Variants in SRRM3 observed in about 807,000 individuals in gnomAD.
SRRM3 encodes serine/arginine repetitive matrix 3.
In SRRM3, 27 loss-of-function variants were observed where a neutral mutation model predicts 66.2. The ratio of observed to expected loss-of-function variants is 0.41; its 90% CI spans 0.30 to 0.56. The LOEUF (loss-of-function observed/expected upper bound fraction) is 0.56, where lower values mean the gene tolerates loss of function less well. Ranked by LOEUF, SRRM3 falls within the 20% of genes least tolerant of loss-of-function variation. The pLI, the probability that SRRM3 is intolerant of heterozygous loss-of-function variation, is 0.32. For missense variants in SRRM3, 918 were observed against 991.9 expected (o/e 0.93, Z 1.00); for synonymous variants, 391 against 414.9 (o/e 0.94, Z 0.70).
At position 76,285,569 on chromosome 7, in the gene SRRM3, G is replaced by T. The variant is rs1802641418; in HGVS notation, c.1734-46G>T. The T allele has an allele frequency of 6.7e-7, 1 of 1,495,414 alleles. No homozygotes were observed. The highest frequency in any genetic ancestry group is 9.0e-7 in the Non-Finnish European group (1 of 1,105,004). The allele number at this position is 1,495,414 out of a possible 1,614,324, so 92.6% of individuals were successfully genotyped here. ...AAGCCCTGGCCGCTGCTGGGATGGG[G>T]CTCGGGGCCTGGGATGGCCTGTAAT... is the stretch of plus-strand genomic sequence containing the variant. On this transcript the variant is annotated intron_variant, in intron 14 of 14. Coordinates refer to ENST00000611745, the MANE Select transcript of SRRM3 (RefSeq NM_001110199.3). This position sits in a 1 kb window ranked among gnomAD's most constrained non-coding sequence, Gnocchi z 4.1.
chr7:76,255,212 C>T (rs1264693336), intron 3 of SRRM3, among the ~76,000 whole-genome samples: 7 of 126,072 alleles, frequency 5.6e-5, no homozygotes, highest in Admixed American at 4.0e-4. Flanking sequence ...TGCAGTGGTG[C>T]GATCTTGGCT....
intron 1 of SRRM3, among the ~76,000 whole-genome samples, chr7:76,229,717 C>G (rs191692548): frequency 5.0e-4 from 76 of 151,502 alleles, no homozygotes; most frequent in African/African-American, 1.7e-3. Flanking sequence ...TTTCACTATC[C>G]TGTTTCACTT....
intron 2 of SRRM3, among the ~76,000 whole-genome samples, chr7:76,247,241 G>A (rs1801464101): frequency 6.6e-6 from 1 of 152,068 alleles, no homozygotes. Flanking sequence ...GAGAGGGAGG[G>A]GAGTAGAGAC....
At chr7:76,205,277 T>G (rs1800267410) in intron 1 of SRRM3, among the ~76,000 whole-genome samples, 1 of 152,094 alleles carries the variant, frequency 6.6e-6, no homozygotes, top group Non-Finnish European at 1.5e-5. Context: ...TGGTGCAATC[T>G]CAGCTCACTG....
In SRRM3 at chr7:76,285,904, G is replaced by A. The variant is rs1802657591; in HGVS notation, c.*61G>A. The A allele has an allele frequency of 6.8e-7, 1 of 1,479,118 alleles. No individual in the cohort carries two copies. The highest frequency in any genetic ancestry group is 2.2e-5 in the Admixed American group (1 of 45,066). 91.6% of individuals were successfully genotyped at this position (1,479,118 alleles called of 1,614,324 possible). On this transcript the variant is annotated 3_prime_UTR_variant, in exon 15 of 15. Coordinates refer to ENST00000611745, the MANE Select transcript of SRRM3 (RefSeq NM_001110199.3). The surrounding 1 kb of genome is among the most constrained non-coding windows in gnomAD (Gnocchi z 4.1). ...TGGGAGAGGCGAGGGGCGGGCCCCA[G>A]GACCCCAGTGGGGAGGGGGCTATAT...
chr7:76,210,400 CCT>C (rs1379170333), intron 1 of SRRM3, among the ~76,000 whole-genome samples: 2 of 152,208 alleles, frequency 1.3e-5, no homozygotes, highest in African/African-American at 4.8e-5. Context: ...TCCCCAGAAA[CCT>C]CTCTCTTCCC....
At chr7:76,258,713 CAAAAAAAAAAAAAAAAAAAAGAAAAAG>C (rs1801778259) in intron 3 of SRRM3, among the ~76,000 whole-genome samples, 1 of 68,284 alleles carries the variant, frequency 1.5e-5, no homozygotes, top group Non-Finnish European at 3.1e-5. Flanking sequence ...GACTCCATCT[CAAAAAAAAAAAAAAAAAAAAGAAAAAG>C]AAAAAGAAAA....
At chr7:76,264,074 G>T (rs149349502) in intron 8 of SRRM3, among the ~76,000 whole-genome samples, 57 of 150,958 alleles carry the variant, frequency 3.8e-4, no homozygotes, top group African/African-American at 1.3e-3. Context: ...CCCAAGTCCA[G>T]TACCAAAAGA....
intron 1 of SRRM3, among the ~76,000 whole-genome samples, chr7:76,222,699 G>A (rs1800757465): frequency 6.6e-6 from 1 of 151,930 alleles, no homozygotes; most frequent in Non-Finnish European, 1.5e-5. Flanking sequence ...TTGACTCACT[G>A]AAACCTCTGC....
At chr7:76,255,473 G>T (rs550377818) in intron 3 of SRRM3, among the ~76,000 whole-genome samples, 1 of 151,796 alleles carries the variant, frequency 6.6e-6, no homozygotes, top group African/African-American at 2.4e-5. Flanking sequence ...ATGGGGTCTC[G>T]CTGTGTCACT....
At chr7:76,251,338 G>T (rs1801575866) in intron 3 of SRRM3, among the ~76,000 whole-genome samples, 1 of 151,824 alleles carries the variant, frequency 6.6e-6, no homozygotes, top group Non-Finnish European at 1.5e-5. Context: ...TGAATTTAAG[G>T]CTGGGTACGG....
At chr7:76,271,582 G>A (rs556927751) in intron 11 of SRRM3, among the ~76,000 whole-genome samples, 1 of 152,304 alleles carries the variant, frequency 6.6e-6, no homozygotes, top group South Asian at 2.1e-4. Flanking sequence ...GTTTGAGGCT[G>A]CAGTGAGCCA....
At chr7:76,206,357 G>A (rs541006372) in intron 1 of SRRM3, among the ~76,000 whole-genome samples, 1 of 152,266 alleles carries the variant, frequency 6.6e-6, no homozygotes, top group Non-Finnish European at 1.5e-5. Flanking sequence ...GGTTCAGAGA[G>A]GAGAAAGGGA....
intron 1 of SRRM3, among the ~76,000 whole-genome samples, chr7:76,222,324 G>A (rs930725961): frequency 6.6e-6 from 1 of 151,386 alleles, no homozygotes; most frequent in African/African-American, 2.4e-5. Context: ...TGAGGTGGGA[G>A]GATCACTTGA....
chr7:76,246,781 T>C (rs1341761069), intron 2 of SRRM3, among the ~76,000 whole-genome samples: 1 of 152,108 alleles, frequency 6.6e-6, no homozygotes, highest in African/African-American at 2.4e-5. Context: ...CCTGCTCTCA[T>C]GTTTTTCTAG....
chr7:76,219,741 T>C (rs1211151674), intron 1 of SRRM3, among the ~76,000 whole-genome samples: 1 of 152,132 alleles, frequency 6.6e-6, no homozygotes, highest in Non-Finnish European at 1.5e-5. Flanking sequence ...AAACCCCGTC[T>C]CTACTAAAAG....
At chr7:76,210,685 G>C (rs782641070) in intron 1 of SRRM3, among the ~76,000 whole-genome samples, 1 of 152,142 alleles carries the variant, frequency 6.6e-6, no homozygotes, top group Admixed American at 6.5e-5. Context: ...GGGGGGGCGG[G>C]TAGTGCACTA....
intron 3 of SRRM3, among the ~76,000 whole-genome samples, chr7:76,250,110 C>A (rs1801540176): frequency 1.3e-5 from 2 of 152,082 alleles, no homozygotes; most frequent in African/African-American, 4.8e-5. Context: ...GTGGCGTGCT[C>A]TCGGGTCACT....
chr7:76,275,203 C>T (rs1240318132), intron 11 of SRRM3, among the ~76,000 whole-genome samples: 3 of 152,010 alleles, frequency 2.0e-5, no homozygotes, highest in African/African-American at 7.2e-5. Context: ...AGAGAAGGCC[C>T]AGCCACTCAT....
Sources: gnomAD v4.1 joint callset for allele counts (sites outside exome capture counted in the v4.1 genomes callset) on GRCh38, gnomAD v4.1.1 for gene constraint, Gnocchi (gnomAD v3.1) non-coding constraint, MANE v1.5 for transcripts, NCBI Gene and HGNC (gene_info 2026-07-23, HGNC 2026-07-21) for gene names.